Variants in TMEM71 observed in about 807,000 individuals in gnomAD.
The protein encoded by TMEM71 is transmembrane protein 71.
Under a neutral mutation model 38.0 loss-of-function variants are expected in TMEM71, and 44 were observed. The ratio of observed to expected loss-of-function variants is 1.16; its 90% CI spans 0.91 to 1.49. TMEM71 has a LOEUF of 1.49. TMEM71 is among the 40% of genes most tolerant of loss of function. The pLI, the probability that TMEM71 is intolerant of heterozygous loss-of-function variation, is 0.00. For missense variants in TMEM71, 367 were observed against 348.6 expected, an observed-to-expected ratio of 1.05 and a Z score of -0.42; for synonymous variants, 133 against 122.5, an observed-to-expected ratio of 1.09 and a Z score of -0.56.
intron 7 of TMEM71, among the ~76,000 whole-genome samples, chr8:132,720,429 T>C (rs1345999205): frequency 6.6e-6 from 1 of 152,208 alleles, no homozygotes; most frequent in Non-Finnish European, 1.5e-5. Flanking sequence ...CTAGACGTGT[T>C]CCTTCACCAC....
chr8:132,766,165 C>G, the TMEM71 span, among the ~76,000 whole-genome samples: 1 of 152,088 alleles, frequency 6.6e-6, no homozygotes, highest in Non-Finnish European at 1.5e-5. Flanking sequence ...GAGGCAGTAC[C>G]CCTTGTGAGG....
At chr8:132,706,723 C>G (rs547388491), downstream of TMEM71, among the ~76,000 whole-genome samples, 4 of 152,170 alleles carry the variant, frequency 2.6e-5, no homozygotes, top group African/African-American at 7.2e-5. Flanking sequence ...CTCTCCTTTC[C>G]TATAAAATCT....
intron 5 of TMEM71, among the ~76,000 whole-genome samples, chr8:132,736,889 A>G (rs557711673): frequency 6.6e-6 from 1 of 152,344 alleles, no homozygotes; most frequent in South Asian, 2.1e-4. Flanking sequence ...CAACAATAAC[A>G]AATGGTAAGT....
intron 2 of TMEM71, chr8:132,758,623 A>T (rs1563758872): frequency 6.7e-6 from 3 of 450,962 alleles, no homozygotes; most frequent in Non-Finnish European, 1.2e-5. Context: ...AAAAACGGTG[A>T]TTTTTTTTTT....
intron 5 of TMEM71, among the ~76,000 whole-genome samples, chr8:132,743,290 T>A (rs1322971165): frequency 2.0e-5 from 3 of 151,992 alleles, no homozygotes; most frequent in Non-Finnish European, 4.4e-5. Context: ...TATAGGCCAT[T>A]CCTTTATTTC....
downstream of TMEM71, among the ~76,000 whole-genome samples, chr8:132,707,944 G>T (rs1018773678): frequency 1.3e-5 from 2 of 151,990 alleles, no homozygotes; most frequent in Non-Finnish European, 2.9e-5. Flanking sequence ...TACTCCCAGG[G>T]GCTAGACTGG....
the TMEM71 span, among the ~76,000 whole-genome samples, chr8:132,774,389 C>A: frequency 5.8e-4 from 88 of 152,304 alleles, no homozygotes; most frequent in African/African-American, 1.9e-3. Context: ...TTCTATGTAT[C>A]ACCATGCTCA....
chr8:132,714,100 A>G (rs1302083983), intron 8 of TMEM71, 48 bp from the exon 9 acceptor site: 1 of 1,611,636 alleles, frequency 6.2e-7, no homozygotes, highest in East Asian at 2.2e-5. Context: ...AAAGTGACCA[A>G]AATTGGAATG....
At chr8:132,772,844 T>G in the TMEM71 span, among the ~76,000 whole-genome samples, 1 of 152,312 alleles carries the variant, frequency 6.6e-6, no homozygotes, top group East Asian at 1.9e-4. Context: ...ATGTAACAGC[T>G]ACGCAACTAG....
chr8:132,715,514 A>G (rs1826478930), intron 7 of TMEM71, among the ~76,000 whole-genome samples: 1 of 151,982 alleles, frequency 6.6e-6, no homozygotes, highest in South Asian at 2.1e-4. Flanking sequence ...CATATAACCC[A>G]ACAGCTTCAC....
intron 3 of TMEM71, among the ~76,000 whole-genome samples, chr8:132,756,523 T>TA (rs920970435): frequency 6.8e-6 from 1 of 147,520 alleles, no homozygotes; most frequent in Non-Finnish European, 1.5e-5. Context: ...AGATGATAGC[T>TA]AAAATAATAA....
the TMEM71 span, chr8:132,775,419 G>A: frequency 2.6e-6 from 1 of 384,874 alleles, no homozygotes. Flanking sequence ...CGGCGGCGGC[G>A]GCGGCGATGG....
At chr8:132,725,524 G>A (rs1337038116) in intron 6 of TMEM71, among the ~76,000 whole-genome samples, 1 of 152,072 alleles carries the variant, frequency 6.6e-6, no homozygotes, top group Non-Finnish European at 1.5e-5. Flanking sequence ...ACTTTGAGTT[G>A]GGTTTCCATC....
At chr8:132,760,022 T>A (rs75604339) in intron 1 of TMEM71, among the ~76,000 whole-genome samples, 3,280 of 152,280 alleles carry the variant, frequency 0.022, 124 homozygotes, top group African/African-American at 0.076. Context: ...ATTGTACGGG[T>A]ATGCCCAGCC....
At chr8:132,723,857 G>A (rs1398560469) in intron 6 of TMEM71, among the ~76,000 whole-genome samples, 3 of 152,090 alleles carry the variant, frequency 2.0e-5, no homozygotes, top group South Asian at 2.1e-4. Flanking sequence ...ACATTTCAAC[G>A]TAGGTTCTCC....
intron 5 of TMEM71, among the ~76,000 whole-genome samples, chr8:132,746,446 CATATACATATAT>C (rs1259820153): frequency 0.078 from 1,029 of 13,158 alleles, 10 homozygotes; most frequent in Non-Finnish European, 0.14. Context: ...TATACATATA[CATATACATATAT>C]ATATACATAT....
intron 3 of TMEM71, among the ~76,000 whole-genome samples, chr8:132,755,521 A>C (rs1828955347): frequency 6.6e-6 from 1 of 152,212 alleles, no homozygotes; most frequent in Non-Finnish European, 1.5e-5. Context: ...GAGGTTACTG[A>C]CTAGGCCTTA....
Position 132,746,332 on chromosome 8 carries a change from T to C in TMEM71, c.487+610A>G, listed in dbSNP as rs145103289. ...AATATATATTATATTTCAACAGTTATGTGTTTATATACATACACACAAATA... is the reference window on the plus strand; with the variant it reads ...AATATATATTATATTTCAACAGTTACGTGTTTATATACATACACACAAATA... On this transcript the variant is annotated intron_variant, in intron 5 of 9. Transcript: ENST00000677595. Among the ~76,000 whole-genome samples, 216 of 148,260 alleles carry C rather than the reference T, an allele frequency of 1.5e-3. 3 individuals carry two copies. The East Asian group carries it at 0.019, about 13-fold the overall frequency.
intron 3 of TMEM71, among the ~76,000 whole-genome samples, chr8:132,756,757 T>C (rs974033818): frequency 6.6e-6 from 1 of 151,740 alleles, no homozygotes; most frequent in Non-Finnish European, 1.5e-5. Context: ...CGGCTAATTT[T>C]TGTATTTTTA....
Sources: allele counts gnomAD v4.1 joint callset (sites outside exome capture counted in the v4.1 genomes callset), GRCh38; gene constraint gnomAD v4.1.1; transcripts MANE v1.5; gene names NCBI Gene and HGNC (gene_info 2026-07-23, HGNC 2026-07-21).